Variants in MFAP4 observed in about 807,000 individuals in gnomAD.
MFAP4 encodes microfibril-associated glycoprotein 4.
In MFAP4, 20 loss-of-function variants were observed where a neutral mutation model predicts 32.4. The observed-to-expected ratio is 0.62, with a 90% confidence interval of 0.43 to 0.90. The LOEUF (loss-of-function observed/expected upper bound fraction) is 0.90, where lower values mean the gene tolerates loss of function less well. Ranked by LOEUF, MFAP4 falls within the 40% of genes least tolerant of loss-of-function variation. The pLI is 0.00. For missense variants in MFAP4, 267 were observed against 329.5 expected (o/e 0.81, Z 1.47); for synonymous variants, 146 against 137.4 (o/e 1.06, Z -0.44).
intron 1 of MFAP4, 64 bp downstream of exon 1, chr17:19,387,086 C>T (rs1913069761): frequency 6.2e-7 from 1 of 1,612,248 alleles, no homozygotes. Flanking sequence ...CCTCTGTGGC[C>T]AGGGGCCTCT....
At position 19,384,420 on chromosome 17, in the gene MFAP4, T is replaced by C; in HGVS notation, c.*42A>G. ...GCAGAGGGAGCACTCATGGAGACCA[T>C]GGGTGTCCAGGGGAGGAAAGGTGCC... On this transcript the variant is annotated 3_prime_UTR_variant, in exon 6 of 6. Transcript: ENST00000299610. 6.5e-7 allele frequency: 1 copy of C among 1,544,678 alleles called. No homozygotes were observed. The highest frequency in any genetic ancestry group is 1.2e-5 in the South Asian group (1 of 83,890).
chr17:19,385,127 A>G lies in MFAP4; in HGVS notation c.492T>C (p.Phe164=). 6.2e-7 allele frequency: 1 copy of G among 1,614,202 alleles called. No individual in the cohort carries two copies. The highest frequency in any genetic ancestry group is 8.5e-7 in the Non-Finnish European group (1 of 1,179,992). ...CCCCGCCATCCTCAAAGCCTGCCAC[A>G]AAGAGGGTGTAGCCATCCTCCTCTG... ...VSAEEDGYTL[F]VAGFEDGGAG... is the part of the protein sequence containing the mutation. Residue 164 remains phenylalanine, a synonymous_variant, in exon 5 of 6, where the codon TTT becomes TTC. Coordinates refer to ENST00000299610, the MANE Select transcript of MFAP4 (RefSeq NM_002404.3).
intron 1 of MFAP4, 139 bp from the exon 2 acceptor site, chr17:19,386,977 G>GTCCCCCCCCCCCCCCCC: frequency 2.9e-6 from 2 of 689,452 alleles, no homozygotes; most frequent in Non-Finnish European, 4.7e-6. Context: ...CCTCTTCCCT[G>GTCCCCCCCCCCCCCCCC]CCCCCCCACC....
Position 19,384,490 on chromosome 17 carries a change from C to T in MFAP4, c.740G>A (p.Arg247His), listed in dbSNP as rs769104779. 2.5e-5 allele frequency: 40 copies of T among 1,593,968 alleles called. No individual in the cohort carries two copies. The highest frequency in any genetic ancestry group is 2.7e-5 in the Non-Finnish European group (32 of 1,169,962). The change falls in exon 6 of 6, where the codon CGC (arginine) becomes CAC (histidine). Residue 247 changes from arginine to histidine, a missense_variant. Arg to His is a conservative substitution (Grantham distance 29, BLOSUM62 0). Around this residue, in one of 3 missense-constraint regions of MFAP4, gnomAD observed 19 missense variants for 18.7 expected, o/e 1.02. Transcript: ENST00000299610. Reference protein sequence around the residue: ...QWKGFYYSLKRTEMKIRRA With the variant: ...QWKGFYYSLKHTEMKIRRA ...GGCCCGGCGGATTTTCATCTCAGTGCGTTTGAGGGAGTAGTAGAAGCCCTT... is the reference window on the plus strand; with the variant it reads ...GGCCCGGCGGATTTTCATCTCAGTGTGTTTGAGGGAGTAGTAGAAGCCCTT...
At position 19,384,390 on chromosome 17, in the gene MFAP4, G is replaced by C; in HGVS notation, c.*72C>G. On this transcript the variant is annotated 3_prime_UTR_variant, in exon 6 of 6. Transcript: ENST00000299610. ...GGGAATCAGCAGAAGCATGCATCAG[G>C]GGCAGCAGAGGGAGCACTCATGGAG... 25 of 1,496,316 alleles carry C rather than the reference G, an allele frequency of 1.7e-5. No individual in the cohort carries two copies. Among genetic ancestry groups the C allele is most frequent in the Middle Eastern group, 2.3e-4 (1 of 4,306 alleles). The allele number at this position is 1,496,316 out of a possible 1,614,324, so 92.7% of individuals were successfully genotyped here. A position where few individuals can be genotyped will look rare whatever the true frequency, so the allele number is the denominator to read the frequency against.
chr17:19,383,784 A>G lies in MFAP4; in HGVS notation c.*678T>C, dbSNP rs1401794170. ...ACCCAGAGGGTATGGGGAAGACCTC[A>G]TATGCATGCCTACCTTGGCTGTGGC... On this transcript the variant is annotated 3_prime_UTR_variant, in exon 6 of 6. Coordinates refer to ENST00000299610, the MANE Select transcript of MFAP4 (RefSeq NM_002404.3). The G allele has an allele frequency of 6.4e-6, 1 of 155,364 alleles. No individual in the cohort carries two copies. The highest frequency in any genetic ancestry group is 1.4e-5 in the Non-Finnish European group (1 of 70,248). The allele number at this position is 155,364 out of a possible 1,614,324, so 9.6% of individuals were successfully genotyped here.
At position 19,384,106 on chromosome 17, in the gene MFAP4, G is replaced by T. The variant is rs1054206; in HGVS notation, c.*356C>A. On this transcript the variant is annotated 3_prime_UTR_variant, in exon 6 of 6. Transcript: ENST00000299610. ...CACAGTGAGGAAGCAGGACAAGATG[G>T]ACCACAAAGGCCTGCAGCTGGGAGA... 10 of 331,944 alleles carry T rather than the reference G, an allele frequency of 3.0e-5. No individual in the cohort carries two copies. In the East Asian group the frequency reaches 7.3e-4, roughly 24 times the overall value. The allele number at this position is 331,944 out of a possible 1,614,324, so 20.6% of individuals were successfully genotyped here.
In MFAP4 at chr17:19,384,599, T is replaced by C. The variant is rs752598193; in HGVS notation, c.631A>G (p.Ser211Gly). 3 of 1,613,884 alleles carry C rather than the reference T, an allele frequency of 1.9e-6. No homozygotes were observed. The highest frequency in any genetic ancestry group is 2.5e-6 in the Non-Finnish European group (3 of 1,180,000). Residue 211 changes from serine to glycine, a missense_variant, in exon 6 of 6, where the codon AGC becomes GGC. Transcript: ENST00000299610. Reference sequence around the variant, plus strand: ...CCATTGAGGTTGGCAAAGTGGCAGCTGCGGAACCAGAAGGCTCCTGAGGAG... The same window carrying C: ...CCATTGAGGTTGGCAAAGTGGCAGCCGCGGAACCAGAAGGCTCCTGAGGAG... ...ALSSGAFWFR[S>G]CHFANLNGFY...
intron 1 of MFAP4, 22 bp downstream of exon 1, chr17:19,387,128 C>G: frequency 6.2e-7 from 1 of 1,611,852 alleles, no homozygotes; most frequent in Non-Finnish European, 8.5e-7. Context: ...TGCTATGAGT[C>G]CCCCGACCCT....
chr17:19,384,338 A>G lies in MFAP4; in HGVS notation c.*124T>C. On this transcript the variant is annotated 3_prime_UTR_variant, in exon 6 of 6. Transcript: ENST00000299610. ...GGATGTGGCATGGCTGAGAGCCACA[A>G]GGCCCCCTTGTAAGGAGTTGGTGCT... 8.2e-7 allele frequency: 1 copy of G among 1,222,046 alleles called. No individual in the cohort carries two copies. Among genetic ancestry groups the G allele is most frequent in the Non-Finnish European group, 1.1e-6 (1 of 891,570 alleles). 75.7% of individuals were successfully genotyped at this position (1,222,046 alleles called of 1,614,324 possible). A position where few individuals can be genotyped will look rare whatever the true frequency, so the allele number is the denominator to read the frequency against.
Position 19,385,846 on chromosome 17 carries a change from C to T in MFAP4, c.241-392G>A, listed in dbSNP as rs1052702883. Among the ~76,000 whole-genome samples, 5 of 152,288 alleles carry T rather than the reference C, an allele frequency of 3.3e-5. No homozygotes were observed. The East Asian group carries it at 5.8e-4, about 18-fold the overall frequency. The stretch of plus-strand genomic sequence containing the variant: ...TGCATTAACCTACCTCAGCTGGGCG[C>T]GGTGGCTCACGCCTGTTATCTCAGC... On this transcript the variant is annotated intron_variant, in intron 3 of 5. Transcript: ENST00000299610.
chr17:19,384,821 G>C (rs1912964317), intron 5 of MFAP4, 112 bp from the exon 6 acceptor site: 1 of 1,435,206 alleles, frequency 7.0e-7, no homozygotes, highest in Non-Finnish European at 9.6e-7. Context: ...AGCCTGGCGG[G>C]ATGGGGGCAC....
chr17:19,384,952 G>T, intron 5 of MFAP4, 147 bp downstream of exon 5: 1 of 1,170,210 alleles, frequency 8.5e-7, no homozygotes, highest in South Asian at 1.5e-5. Context: ...GCCCAAGCTG[G>T]TTTGAGCTTG....
chr17:19,384,617 C>A lies in MFAP4; in HGVS notation c.613G>T (p.Gly205Ter), dbSNP rs1912953303. The A allele has an allele frequency of 3.1e-6, 5 of 1,614,176 alleles. No homozygotes were observed. Among genetic ancestry groups the A allele is most frequent in the Non-Finnish European group, 4.2e-6 (5 of 1,180,024 alleles). ...FVQNCAALSS[G>*]AFWFRSCHFA... ...TGGCAGCTGCGGAACCAGAAGGCTC[C>A]TGAGGAGAGAGCTGCGCAGTTCTGC... is the stretch of plus-strand genomic sequence containing the variant. The change falls in exon 6 of 6, where the codon GGA becomes TGA. Residue 205 changes from glycine (G) to a stop codon, truncating the protein, a stop_gained. Transcript: ENST00000299610. LOFTEE classifies it high-confidence loss of function.
Position 19,386,381 on chromosome 17 carries a change from T to C in MFAP4, c.169A>G (p.Ile57Val), listed in dbSNP as rs137883846. The change falls in exon 3 of 6, where the codon ATC (isoleucine) becomes GTC (valine). Residue 57 changes from isoleucine (I) to valine (V), a missense_variant. Ile to Val is a conservative substitution (Grantham distance 29, BLOSUM62 3). Coordinates refer to ENST00000299610, the MANE Select transcript of MFAP4 (RefSeq NM_002404.3). ...QGYQSDGVYL[I>V]YPSGPSVPVP... ...GGCACACTGGGGCCCGAGGGGTAGATGAGGTACACGCCGTCTGACTGGTAG... is the reference window on the plus strand; with the variant it reads ...GGCACACTGGGGCCCGAGGGGTAGACGAGGTACACGCCGTCTGACTGGTAG... The C allele has an allele frequency of 6.2e-7, 1 of 1,608,454 alleles. No individual in the cohort carries two copies. The highest frequency in any genetic ancestry group is 8.5e-7 in the Non-Finnish European group (1 of 1,175,622).
Position 19,383,537 on chromosome 17 carries a change from G to A in MFAP4, c.*925C>T, listed in dbSNP as rs776783799. On this transcript the variant is annotated 3_prime_UTR_variant, in exon 6 of 6. Coordinates refer to ENST00000299610, the MANE Select transcript of MFAP4 (RefSeq NM_002404.3). ...CCTGTGAAATACAAGGTTCCCTTCTGCACCTGACTCCAGGTGTAATTTTTG... is the reference window on the plus strand; with the variant it reads ...CCTGTGAAATACAAGGTTCCCTTCTACACCTGACTCCAGGTGTAATTTTTG... 12 of 201,918 alleles carry A rather than the reference G, an allele frequency of 5.9e-5. No homozygotes were observed. The highest frequency in any genetic ancestry group is 9.9e-5 in the Non-Finnish European group (10 of 101,504). 12.5% of individuals were successfully genotyped at this position (201,918 alleles called of 1,614,324 possible). A position where few individuals can be genotyped will look rare whatever the true frequency, so the allele number is the denominator to read the frequency against.
At chr17:19,386,117 G>A (rs995348521) in intron 3 of MFAP4, among the ~76,000 whole-genome samples, 193 bp downstream of exon 3, 3 of 152,190 alleles carry the variant, frequency 2.0e-5, no homozygotes, top group African/African-American at 4.8e-5. Context: ...GTGAGGCTCC[G>A]CCTCAAAACA....
chr17:19,384,826 G>A (rs1248025053), intron 5 of MFAP4, 117 bp from the exon 6 acceptor site: 2 of 1,394,850 alleles, frequency 1.4e-6, no homozygotes, highest in Non-Finnish European at 2.0e-6. Flanking sequence ...GGCGGGATGG[G>A]GGCACCCTCC....
chr17:19,386,684 A>G lies in MFAP4; in HGVS notation c.85+76T>C, dbSNP rs1044630895. ...TGCAGAGCTGGGGCTCGGCCCTGAC[A>G]GTCTGTTCTGACAGTCCAGCCTCTT... On this transcript the variant is annotated intron_variant, in intron 2 of 5. Coordinates refer to ENST00000299610, the MANE Select transcript of MFAP4 (RefSeq NM_002404.3). 9 of 1,485,248 alleles carry G rather than the reference A, an allele frequency of 6.1e-6. No individual in the cohort carries two copies. In the African/African-American group the frequency reaches 7.0e-5, roughly 12 times the overall value. 92.0% of individuals were successfully genotyped at this position (1,485,248 alleles called of 1,614,324 possible). A position where few individuals can be genotyped will look rare whatever the true frequency, so the allele number is the denominator to read the frequency against.
Sources: allele counts gnomAD v4.1 joint callset (sites outside exome capture counted in the v4.1 genomes callset), GRCh38; gene constraint gnomAD v4.1.1; regional missense constraint gnomAD v4.1.1; transcripts MANE v1.5; gene names NCBI Gene and HGNC (gene_info 2026-07-23, HGNC 2026-07-21).